Variants in CCDC141 observed in about 807,000 individuals in gnomAD.
CCDC141 encodes the protein coiled-coil domain containing 141, also known as coiled-coil domain-containing protein 141.
CCDC141 carries 168 observed loss-of-function variants against 181.0 expected under a neutral mutation model. The ratio of observed to expected loss-of-function variants is 0.93; its 90% CI spans 0.82 to 1.05. The LOEUF is 1.05. CCDC141 is among the 50% of genes least tolerant of loss of function. The pLI is 0.00. For missense variants in CCDC141, 1,902 were observed against 1,788.5 expected (o/e 1.06, Z -1.14); for synonymous variants, 666 against 642.3 (o/e 1.04, Z -0.56).
rs1379879183 is a variant in CCDC141 at position 178,829,769 on chromosome 2, ATATTT to A, written c.*4399_*4403del. On this transcript the variant is annotated 3_prime_UTR_variant, in exon 24 of 24. Coordinates refer to ENST00000443758, the MANE Select transcript of CCDC141 (RefSeq NM_173648.4). ...CAATATCAGAGCATACTGGAAGGAG[ATATTT>A]TATTTTGTTTCAACTAACTTATTTC... 6.6e-6 allele frequency: 1 copy of A among 152,192 alleles called. No homozygotes were observed. Among genetic ancestry groups the A allele is most frequent in the Non-Finnish European group, 1.5e-5 (1 of 68,024 alleles). The allele number at this position is 152,192 out of a possible 1,614,324, so 9.4% of individuals were successfully genotyped here.
At chr2:179,005,628 C>CTTTCT (rs879568835) in intron 2 of CCDC141, among the ~76,000 whole-genome samples, 16 of 151,994 alleles carry the variant, frequency 1.1e-4, no homozygotes, top group South Asian at 8.3e-4. Context: ...GTGTTTCTTT[C>CTTTCT]TTTCTTTTCT....
chr2:179,019,102 A>G (rs2042625513), intron 2 of CCDC141, among the ~76,000 whole-genome samples: 1 of 152,198 alleles, frequency 6.6e-6, no homozygotes, highest in African/African-American at 2.4e-5. Context: ...GTTGCTCAAA[A>G]ATAAAACTGT....
intron 11 of CCDC141, among the ~76,000 whole-genome samples, chr2:178,882,936 G>A (rs1241494550): frequency 6.6e-6 from 1 of 152,118 alleles, no homozygotes. Context: ...AAAGCCAGAG[G>A]AGGAGTGAAG....
chr2:178,847,403 T>C (rs544054415), intron 21 of CCDC141, among the ~76,000 whole-genome samples: 7 of 152,206 alleles, frequency 4.6e-5, no homozygotes, highest in Non-Finnish European at 2.9e-5. Context: ...TGGTGGTGCA[T>C]GCCTGTGGTC....
chr2:178,872,849 C>T (rs559698801), intron 12 of CCDC141, among the ~76,000 whole-genome samples: 15 of 152,250 alleles, frequency 9.9e-5, no homozygotes, highest in Non-Finnish European at 1.9e-4. Flanking sequence ...TGAAATGAGT[C>T]TGTATCTCTG....
At chr2:178,873,004 A>T (rs936791877) in intron 12 of CCDC141, 13 of 152,202 alleles carry the variant, frequency 8.5e-5, no homozygotes, top group Admixed American at 8.5e-4. Context: ...AGGTAAAATG[A>T]TAATAAGAGC....
chr2:178,891,919 C>T (rs144859661), intron 8 of CCDC141, among the ~76,000 whole-genome samples: 34 of 151,838 alleles, frequency 2.2e-4, no homozygotes, highest in African/African-American at 7.0e-4. Context: ...TTCTTATATC[C>T]CTTGTAGCCC....
chr2:178,974,049 T>TTTACATAGGAAAGATTGAGTCCTTTAATC (rs1275274525), intron 4 of CCDC141, among the ~76,000 whole-genome samples: 6 of 152,174 alleles, frequency 3.9e-5, no homozygotes, highest in African/African-American at 9.7e-5. Context: ...CTCATAAGAA[T>TTTACATAGGAAAGATTGAGTCCTTTAATC]TTACATAGGA....
chr2:179,014,790 C>T (rs1477818031), intron 2 of CCDC141, among the ~76,000 whole-genome samples: 3 of 151,620 alleles, frequency 2.0e-5, no homozygotes, highest in Non-Finnish European at 4.4e-5. Context: ...GGCATGGATG[C>T]GGCAACCAGG....
chr2:178,933,583 C>T lies in CCDC141; in HGVS notation c.897+10952G>A, dbSNP rs542248827. ...ACCTCCATCTCGAAAGAGATCATGCCTTTCCTAAAGTCACTCCCATTCAAA... is the reference window on the plus strand; with the variant it reads ...ACCTCCATCTCGAAAGAGATCATGCTTTTCCTAAAGTCACTCCCATTCAAA... On this transcript the variant is annotated intron_variant, in intron 6 of 23. Transcript: ENST00000443758. Among the ~76,000 whole-genome samples the T allele has an allele frequency of 3.3e-5, 5 of 152,294 alleles. No individual in the cohort carries two copies. The East Asian group carries it at 7.7e-4, about 23-fold the overall frequency.
At chr2:179,047,809 G>C (rs1236818687) in intron 1 of CCDC141, among the ~76,000 whole-genome samples, 1 of 152,158 alleles carries the variant, frequency 6.6e-6, no homozygotes, top group Non-Finnish European at 1.5e-5. Context: ...TGGGCAGGTA[G>C]GATGCAAATT....
intron 5 of CCDC141, among the ~76,000 whole-genome samples, chr2:178,952,223 G>C (rs1318725662): frequency 6.6e-6 from 1 of 152,154 alleles, no homozygotes; most frequent in Admixed American, 6.5e-5. Context: ...ATTGGTGTGG[G>C]ATATGGCCAG....
In CCDC141 at chr2:178,836,976, G is replaced by T. The variant is rs999347387; in HGVS notation, c.4243C>A (p.Leu1415Met). The change falls in exon 23 of 24, where the codon CTG becomes ATG. Residue 1415 changes from leucine (L) to methionine (M), a missense_variant. Coordinates refer to ENST00000443758, the MANE Select transcript of CCDC141 (RefSeq NM_173648.4). ...ADQAPNFSRLLSNVTVMEGSP... is the reference protein window; with the variant it reads ...ADQAPNFSRLMSNVTVMEGSP... ...CCTTCCATGACAGTTACATTAGACA[G>T]GAGCCTGGAGAAATTAGGTGCCTGG... 1.2e-6 allele frequency: 2 copies of T among 1,613,870 alleles called. No individual in the cohort carries two copies. The highest frequency in any genetic ancestry group is 1.7e-6 in the Non-Finnish European group (2 of 1,179,948).
At chr2:178,868,877 C>T (rs1279803361) in intron 15 of CCDC141, among the ~76,000 whole-genome samples, 1 of 151,970 alleles carries the variant, frequency 6.6e-6, no homozygotes, top group Non-Finnish European at 1.5e-5. Flanking sequence ...CAAATAATGG[C>T]AGCCTGAGAG....
chr2:179,015,262 A>C (rs1308205945), intron 2 of CCDC141, among the ~76,000 whole-genome samples: 5 of 30,862 alleles, frequency 1.6e-4, no homozygotes, highest in African/African-American at 3.2e-4. Flanking sequence ...TCTCATATAT[A>C]TCATATATAT....
At chr2:179,046,503 T>C (rs1219217076) in intron 2 of CCDC141, among the ~76,000 whole-genome samples, 2 of 152,174 alleles carry the variant, frequency 1.3e-5, no homozygotes, top group Non-Finnish European at 2.9e-5. Flanking sequence ...AGGTGAAGCT[T>C]AAGAAGGGTG....
rs1684356227 is a variant in CCDC141 at position 178,833,760 on chromosome 2, T to TCAGTA, written c.*412_*413insTACTG. On this transcript the variant is annotated 3_prime_UTR_variant, in exon 24 of 24. Coordinates refer to ENST00000443758, the MANE Select transcript of CCDC141 (RefSeq NM_173648.4). ...TACAACATCAATTCAATAGTTCTAC[T>TCAGTA]GATATTCCCTACAAAGGGATGTTTT... 1 of 162,818 alleles carries TCAGTA rather than the reference T, an allele frequency of 6.1e-6. No individual in the cohort carries two copies. The highest frequency in any genetic ancestry group is 2.4e-5 in the African/African-American group (1 of 41,612). The allele number at this position is 162,818 out of a possible 1,614,324, so 10.1% of individuals were successfully genotyped here. A position where few individuals can be genotyped will look rare whatever the true frequency, so the allele number is the denominator to read the frequency against.
intron 2 of CCDC141, among the ~76,000 whole-genome samples, chr2:178,984,759 G>C (rs1011579085): frequency 2.6e-5 from 4 of 151,408 alleles, no homozygotes; most frequent in Admixed American, 1.3e-4. Context: ...TCAACAAGAA[G>C]AGCTAACTAT....
chr2:178,821,957 C>A, the CCDC141 span, among the ~76,000 whole-genome samples: 3,114 of 152,186 alleles, frequency 0.02, 46 homozygotes, highest in Middle Eastern at 0.034. Flanking sequence ...CACATGCACA[C>A]GTATGTTTAT....
Sources: gnomAD v4.1 joint callset for allele counts (sites outside exome capture counted in the v4.1 genomes callset) on GRCh38, gnomAD v4.1.1 for gene constraint, MANE v1.5 for transcripts, NCBI Gene and HGNC (gene_info 2026-07-23, HGNC 2026-07-21) for gene names.